The following MAPK10 variants were observed in gnomAD, a reference collection of about 807,000 sequenced individuals.
The protein encoded by MAPK10 is mitogen-activated protein kinase 10, also known as JNK3 alpha protein kinase.
A neutral mutation model predicts 59.3 loss-of-function variants in MAPK10; 25 were observed. The observed-to-expected ratio is 0.42, with a 90% confidence interval of 0.31 to 0.59. The LOEUF is 0.59. Among genes scored for constraint, MAPK10 ranks in the 20% least tolerant of loss-of-function variants. The pLI is 0.15. For missense variants in MAPK10, 351 were observed against 568.9 expected (o/e 0.62, Z 3.90); for synonymous variants, 190 against 200.5 (o/e 0.95, Z 0.44).
At chr4:86,304,508 T>C (rs2095530879) in intron 2 of MAPK10, among the ~76,000 whole-genome samples, 1 of 147,954 alleles carries the variant, frequency 6.8e-6, no homozygotes, top group Non-Finnish European at 1.5e-5. Flanking sequence ...TTCTCCTGCC[T>C]CAGCCTCCCG....
At chr4:86,169,591 G>A (rs2073317164) in intron 3 of MAPK10, among the ~76,000 whole-genome samples, 2 of 152,128 alleles carry the variant, frequency 1.3e-5, no homozygotes, top group Admixed American at 1.3e-4. Flanking sequence ...CATCTGATTG[G>A]TGTACCTGAA....
chr4:86,145,443 C>CAAACATGT (rs1408939733), intron 4 of MAPK10, among the ~76,000 whole-genome samples: 2 of 151,750 alleles, frequency 1.3e-5, no homozygotes, highest in African/African-American at 4.8e-5. Flanking sequence ...TACAGCATAC[C>CAAACATGT]AAACATGTGT....
At chr4:86,129,738 C>T (rs533658538) in intron 4 of MAPK10, among the ~76,000 whole-genome samples, 1 of 152,244 alleles carries the variant, frequency 6.6e-6, no homozygotes, top group Non-Finnish European at 1.5e-5. Flanking sequence ...TCCTGACCAG[C>T]TGGTTTTAAC....
At chr4:86,528,780 A>G (rs1357392415) in intron 1 of MAPK10, among the ~76,000 whole-genome samples, 1 of 152,220 alleles carries the variant, frequency 6.6e-6, no homozygotes, top group African/African-American at 2.4e-5. Context: ...CCCCAAATAT[A>G]TCTTGCCTAA....
intron 2 of MAPK10, among the ~76,000 whole-genome samples, chr4:86,223,510 AC>A (rs2090050765): frequency 6.6e-6 from 1 of 152,062 alleles, no homozygotes; most frequent in African/African-American, 2.4e-5. Flanking sequence ...AACTCCACAT[AC>A]CCACTTGCAC....
intron 1 of MAPK10, among the ~76,000 whole-genome samples, chr4:86,588,929 A>G (rs1191758574): frequency 6.6e-6 from 1 of 152,236 alleles, no homozygotes; most frequent in African/African-American, 2.4e-5. Context: ...TATTAAACAG[A>G]AAAGAGCTTA....
chr4:86,036,806 T>A (rs1245210031), intron 11 of MAPK10, among the ~76,000 whole-genome samples: 1 of 152,216 alleles, frequency 6.6e-6, no homozygotes, highest in South Asian at 2.1e-4. Context: ...TAATTATTAG[T>A]AGCACTTACG....
intron 9 of MAPK10, among the ~76,000 whole-genome samples, chr4:86,091,739 T>C (rs999160303): frequency 6.6e-6 from 1 of 151,838 alleles, no homozygotes; most frequent in Non-Finnish European, 1.5e-5. Context: ...AGTGGCACGA[T>C]CTTGGCTCAC....
chr4:86,339,734 G>C (rs767374530), intron 2 of MAPK10, among the ~76,000 whole-genome samples: 2 of 152,076 alleles, frequency 1.3e-5, no homozygotes, highest in Non-Finnish European at 2.9e-5. Context: ...ATATTGTGAG[G>C]AATAAATGAG....
chr4:86,272,248 A>G (rs534858803), intron 2 of MAPK10, among the ~76,000 whole-genome samples: 48 of 152,090 alleles, frequency 3.2e-4, no homozygotes, highest in Non-Finnish European at 4.9e-4. Context: ...CAAATTCTGT[A>G]TTGTGTGTAC....
chr4:86,583,747 T>C (rs528119215), intron 1 of MAPK10, among the ~76,000 whole-genome samples: 7 of 152,322 alleles, frequency 4.6e-5, no homozygotes, highest in African/African-American at 1.7e-4. Context: ...TTGGGGCCAA[T>C]AGTCTTTCTG....
intron 1 of MAPK10, among the ~76,000 whole-genome samples, chr4:86,371,460 G>A (rs1041138706): frequency 4.6e-5 from 7 of 152,124 alleles, no homozygotes; most frequent in African/African-American, 1.7e-4. Context: ...CTTAGAGAGA[G>A]TTTAAGTCAT....
chr4:86,381,615 T>G (rs963470086), intron 1 of MAPK10, among the ~76,000 whole-genome samples: 1 of 152,200 alleles, frequency 6.6e-6, no homozygotes, highest in African/African-American at 2.4e-5. Flanking sequence ...CTCTGCCTTA[T>G]GTGGTGTCTC....
At chr4:86,590,051 G>A (rs534537533) in intron 1 of MAPK10, among the ~76,000 whole-genome samples, 1 of 151,142 alleles carries the variant, frequency 6.6e-6, no homozygotes, top group African/African-American at 2.4e-5. Flanking sequence ...AAAGTGAGGA[G>A]TTAAATAAAT....
At chr4:86,475,501 C>T (rs535284521) in intron 1 of MAPK10, among the ~76,000 whole-genome samples, 2 of 152,246 alleles carry the variant, frequency 1.3e-5, no homozygotes, top group Non-Finnish European at 2.9e-5. Context: ...TTCCTTTCCT[C>T]GTAGAGACAG....
chr4:86,209,428 G>A (rs1451524376), intron 2 of MAPK10, among the ~76,000 whole-genome samples: 2 of 152,028 alleles, frequency 1.3e-5, no homozygotes, highest in East Asian at 1.9e-4. Context: ...TAACTATTTT[G>A]GAACTCTGGA....
upstream of MAPK10, among the ~76,000 whole-genome samples, chr4:86,361,000 T>C (rs1390660311): frequency 2.0e-5 from 3 of 152,224 alleles, no homozygotes; most frequent in African/African-American, 7.2e-5. Flanking sequence ...CTTTTTTGCT[T>C]ACACTCTTTT....
At chr4:86,211,896 A>G (rs1247055078) in intron 2 of MAPK10, among the ~76,000 whole-genome samples, 1 of 152,142 alleles carries the variant, frequency 6.6e-6, no homozygotes, top group Non-Finnish European at 1.5e-5. Context: ...CTACAACTTC[A>G]ACATATTAAA....
upstream of MAPK10, among the ~76,000 whole-genome samples, chr4:86,363,530 G>C (rs1159726534): frequency 6.6e-6 from 1 of 152,060 alleles, no homozygotes; most frequent in East Asian, 1.9e-4. Flanking sequence ...TTTATTGGCA[G>C]TTATAATTGT....
Sources: allele counts gnomAD v4.1 joint callset (sites outside exome capture counted in the v4.1 genomes callset), GRCh38; gene constraint gnomAD v4.1.1; transcripts MANE v1.5; gene names NCBI Gene and HGNC (gene_info 2026-07-23, HGNC 2026-07-21).